ERC1: variants seen among roughly 807,000 people sequenced by gnomAD.
The protein encoded by ERC1 is RAB6 interacting protein 2.
Under a neutral mutation model 132.0 loss-of-function variants are expected in ERC1, and 56 were observed. The observed-to-expected ratio is 0.42, with a 90% confidence interval of 0.34 to 0.53. The LOEUF is 0.53. Among genes scored for constraint, ERC1 ranks in the 20% least tolerant of loss-of-function variants. The pLI is 0.03. For missense variants in ERC1, 1,202 were observed against 1,349.9 expected (o/e 0.89, Z 1.72); for synonymous variants, 478 against 476.1 (o/e 1.00, Z -0.05).
At chr12:1,093,141 A>T (rs1279519833) in intron 3 of ERC1, among the ~76,000 whole-genome samples, 1 of 148,402 alleles carries the variant, frequency 6.7e-6, no homozygotes, top group African/African-American at 2.4e-5. Flanking sequence ...TAACATTTGT[A>T]ATTAGTTTTA....
intron 8 of ERC1, among the ~76,000 whole-genome samples, chr12:1,148,393 A>G (rs1950562277): frequency 6.6e-6 from 1 of 152,184 alleles, no homozygotes; most frequent in East Asian, 1.9e-4. Flanking sequence ...ACACACACAC[A>G]TATCATGCAA....
chr12:1,315,251 A>G (rs1339026745), intron 15 of ERC1, among the ~76,000 whole-genome samples: 1 of 152,176 alleles, frequency 6.6e-6, no homozygotes, highest in African/African-American at 2.4e-5. Flanking sequence ...TCCTGACGTC[A>G]GGTGATCCAC....
chr12:1,440,766 A>G (rs920543376), intron 17 of ERC1, among the ~76,000 whole-genome samples: 10 of 150,844 alleles, frequency 6.6e-5, no homozygotes, highest in Non-Finnish European at 8.8e-5. Flanking sequence ...TTAATGCCTC[A>G]GCCTACTGAG....
chr12:1,364,426 G>A (rs2086460717), intron 15 of ERC1, among the ~76,000 whole-genome samples: 1 of 152,022 alleles, frequency 6.6e-6, no homozygotes, highest in Non-Finnish European at 1.5e-5. Flanking sequence ...CTGCCTGCTG[G>A]GTTCTGGTTA....
chr12:1,156,249 A>AT lies in ERC1; in HGVS notation c.1737+14469dup, dbSNP rs983594199. 1.9e-4 allele frequency among the ~76,000 whole-genome samples: 29 copies of AT among 151,786 alleles called. No homozygotes were observed. In the South Asian group the frequency reaches 5.6e-3, roughly 29 times the overall value. ...TTTCTTATTTTATTTTATTTATTTT[A>AT]TTTTTTTGAGACAGAGTCTCACTCT... On this transcript the variant is annotated intron_variant, in intron 8 of 18. Coordinates refer to ENST00000360905, the MANE Select transcript of ERC1 (RefSeq NM_178040.4).
intron 14 of ERC1, among the ~76,000 whole-genome samples, chr12:1,264,450 G>C (rs1313770223): frequency 6.6e-6 from 1 of 152,138 alleles, no homozygotes; most frequent in African/African-American, 2.4e-5. Context: ...ATCACTTGAG[G>C]TCAGGAGATC....
chr12:1,352,142 G>A (rs1231940202), intron 15 of ERC1, among the ~76,000 whole-genome samples: 1 of 152,028 alleles, frequency 6.6e-6, no homozygotes, highest in African/African-American at 2.4e-5. Flanking sequence ...GAGCTCACCA[G>A]GCTCCTCCTA....
At chr12:1,066,446 G>A (rs1054041383) in intron 2 of ERC1, among the ~76,000 whole-genome samples, 2 of 152,196 alleles carry the variant, frequency 1.3e-5, no homozygotes, top group African/African-American at 4.8e-5. Flanking sequence ...GGACTGGACG[G>A]TAGGGGGCAC....
chr12:1,114,813 G>T (rs1441942772), intron 6 of ERC1, among the ~76,000 whole-genome samples: 1 of 151,826 alleles, frequency 6.6e-6, no homozygotes, highest in Non-Finnish European at 1.5e-5. Context: ...TCTAAAAAGA[G>T]ATTTTATGCA....
upstream of ERC1, chr12:990,124 T>G (rs190597013): frequency 2.0e-5 from 3 of 152,232 alleles, no homozygotes; most frequent in Admixed American, 6.5e-5. Context: ...GAGGAGCGAC[T>G]GCAATTTGTT....
chr12:1,383,601 T>C (rs953180747), intron 16 of ERC1, among the ~76,000 whole-genome samples: 2 of 152,044 alleles, frequency 1.3e-5, no homozygotes, highest in African/African-American at 4.8e-5. Flanking sequence ...ACCACTGCAC[T>C]CCAGCCTGGG....
chr12:1,238,689 C>A (rs1176068490), intron 13 of ERC1, among the ~76,000 whole-genome samples: 2 of 152,048 alleles, frequency 1.3e-5, no homozygotes, highest in South Asian at 2.1e-4. Flanking sequence ...TTAACTGTTT[C>A]ATTTGTCTTT....
intron 17 of ERC1, among the ~76,000 whole-genome samples, chr12:1,423,714 C>G (rs1367225856): frequency 6.6e-6 from 1 of 152,068 alleles, no homozygotes; most frequent in African/African-American, 2.4e-5. Flanking sequence ...TTCTGCTTGT[C>G]CTTTGAATTA....
chr12:1,180,699 T>C (rs1282407972), intron 9 of ERC1, 22 bp downstream of exon 9: 8 of 1,613,164 alleles, frequency 5.0e-6, no homozygotes, highest in African/African-American at 1.3e-5. Flanking sequence ...GCCCCAACTC[T>C]CCACACACGT....
intron 12 of ERC1, among the ~76,000 whole-genome samples, chr12:1,214,468 G>A (rs531687038): frequency 2.3e-4 from 35 of 152,110 alleles, no homozygotes; most frequent in African/African-American, 6.5e-4. Context: ...TTAGCATAGC[G>A]CTAGAGTTAG....
At chr12:1,422,269 G>T (rs142741758) in intron 17 of ERC1, among the ~76,000 whole-genome samples, 212 of 152,318 alleles carry the variant, frequency 1.4e-3, no homozygotes, top group African/African-American at 4.9e-3. Context: ...AAGCAAGATG[G>T]AGTCAGGTTA....
chr12:1,219,731 G>A (rs113235605), intron 12 of ERC1, among the ~76,000 whole-genome samples: 5,733 of 151,010 alleles, frequency 0.038, 349 homozygotes, highest in African/African-American at 0.13. Context: ...TGCCTCCCAG[G>A]CTCAAGCCAT....
chr12:1,007,540 C>CTCTCTCTCTCTCTGTGTGTGTGTGTGTG lies in ERC1; in HGVS notation c.-157+16219_-157+16220insCTCTCTCTCTCTGTGTGTGTGTGTGTGT, dbSNP rs1555194875. On this transcript the variant is annotated intron_variant, in intron 1 of 18. Coordinates refer to ENST00000360905, the MANE Select transcript of ERC1 (RefSeq NM_178040.4). The stretch of plus-strand genomic sequence containing the variant: ...ATTCTCTCTCTCTCTCTCTCTCTCT[C>CTCTCTCTCTCTCTGTGTGTGTGTGTGTG]TGTGTGTGTGTGTGTGTGTGTGTGT... Among the ~76,000 whole-genome samples, 7 of 122,782 alleles carry CTCTCTCTCTCTCTGTGTGTGTGTGTGTG rather than the reference C, an allele frequency of 5.7e-5. No homozygotes were observed. In the South Asian group the frequency reaches 1.8e-3, roughly 32 times the overall value. The allele number at this position is 122,782 out of a possible 152,430, so 80.5% of individuals were successfully genotyped here. A position where few individuals can be genotyped will look rare whatever the true frequency, so the allele number is the denominator to read the frequency against.
chr12:1,462,037 TAAAAC>T (rs1018809275), intron 18 of ERC1, among the ~76,000 whole-genome samples: 5 of 152,222 alleles, frequency 3.3e-5, no homozygotes, highest in East Asian at 3.8e-4. Context: ...ATTAGATACT[TAAAAC>T]AACATAAGTT....
Sources: gnomAD v4.1 joint callset for allele counts (sites outside exome capture counted in the v4.1 genomes callset) on GRCh38, gnomAD v4.1.1 for gene constraint, MANE v1.5 for transcripts, NCBI Gene and HGNC (gene_info 2026-07-23, HGNC 2026-07-21) for gene names.